GRIP1: variants seen among roughly 807,000 people sequenced by gnomAD.
GRIP1 encodes glutamate receptor-interacting protein 1.
Under a neutral mutation model 129.9 loss-of-function variants are expected in GRIP1, and 45 were observed. The observed-to-expected ratio is 0.35, with a 90% CI of 0.27 to 0.44. The LOEUF (loss-of-function observed/expected upper bound fraction) is 0.44. GRIP1 is among the 20% of genes least tolerant of loss of function. The pLI is 1.00. For missense variants in GRIP1, 1,196 were observed against 1,396.8 expected (o/e 0.86, Z 2.29); for synonymous variants, 530 against 520.8 (o/e 1.02, Z -0.24).
intron 1 of GRIP1, among the ~76,000 whole-genome samples, chr12:66,950,717 T>C (rs762970950): frequency 1.1e-4 from 16 of 152,228 alleles, no homozygotes; most frequent in African/African-American, 3.6e-4. Flanking sequence ...GATCACAAGG[T>C]AAACCAGGTT....
chr12:66,451,318 C>T (rs17245914), intron 11 of GRIP1, among the ~76,000 whole-genome samples: 34,627 of 145,442 alleles, frequency 0.24, 4,474 homozygotes, highest in Middle Eastern at 0.43. Flanking sequence ...GATTTCCTAT[C>T]AGCTATGAGA....
intron 1 of GRIP1, among the ~76,000 whole-genome samples, chr12:67,001,856 T>C (rs1485059016): frequency 1.3e-5 from 2 of 152,142 alleles, no homozygotes; most frequent in African/African-American, 2.4e-5. Context: ...CTCCTTTCTA[T>C]CTGCAGACAT....
chr12:66,525,067 A>C (rs7958360), intron 5 of GRIP1, among the ~76,000 whole-genome samples: 71,885 of 151,856 alleles, frequency 0.47, 17,258 homozygotes, highest in African/African-American at 0.56. Flanking sequence ...AAGTCCAGGA[A>C]CAGATGAATT....
intron 15 of GRIP1, among the ~76,000 whole-genome samples, chr12:66,410,477 CA>C (rs34277777): frequency 0.063 from 8,336 of 132,646 alleles, 465 homozygotes; most frequent in African/African-American, 0.16. Context: ...ACTAAAAATA[CA>C]AAAAAAAAAA....
intron 1 of GRIP1, among the ~76,000 whole-genome samples, chr12:66,661,477 G>C (rs949237673): frequency 8.6e-5 from 1 of 11,596 alleles, no homozygotes; most frequent in African/African-American, 2.7e-4. Context: ...AAAAAAAGGT[G>C]GAGGGGAGAT....
chr12:67,001,963 T>A (rs2042557304), intron 1 of GRIP1, among the ~76,000 whole-genome samples: 2 of 150,552 alleles, frequency 1.3e-5, no homozygotes, highest in African/African-American at 2.4e-5. Context: ...AGAAGAAGAG[T>A]ATGTTCACCC....
rs59488614 is a variant in GRIP1 at position 66,578,754 on chromosome 12, G to A, written c.136+18093C>T. ...TTGCTTAGGTAAACAAAGCAGCCGG[G>A]AAGCTCCAACGGGGTGGAGCCCACC... On this transcript the variant is annotated intron_variant, in intron 2 of 24. Coordinates refer to ENST00000359742, the MANE Select transcript of GRIP1 (RefSeq NM_001366722.1). Among the ~76,000 whole-genome samples the A allele has an allele frequency of 1.1e-3, 164 of 152,332 alleles. 4 individuals carry two copies. In the East Asian group the frequency reaches 0.029, roughly 27 times the overall value.
intron 2 of GRIP1, among the ~76,000 whole-genome samples, chr12:66,551,368 G>T (rs2062122814): frequency 6.6e-6 from 1 of 152,218 alleles, no homozygotes; most frequent in Admixed American, 6.5e-5. Flanking sequence ...TGCTGAGAAA[G>T]TCCTCTATAG....
At chr12:66,517,176 A>T (rs78723012) in intron 6 of GRIP1, among the ~76,000 whole-genome samples, 3,467 of 152,276 alleles carry the variant, frequency 0.023, 124 homozygotes, top group African/African-American at 0.08. Flanking sequence ...CTCTAATGGC[A>T]GCAGTTGTGT....
intron 5 of GRIP1, among the ~76,000 whole-genome samples, chr12:66,521,366 T>G (rs1001656572): frequency 6.6e-6 from 1 of 152,240 alleles, no homozygotes; most frequent in Non-Finnish European, 1.5e-5. Context: ...TTTATCCACA[T>G]CTCTTTTATT....
chr12:66,709,439 T>A (rs2035640712), intron 1 of GRIP1, among the ~76,000 whole-genome samples: 1 of 151,998 alleles, frequency 6.6e-6, no homozygotes, highest in African/African-American at 2.4e-5. Flanking sequence ...AAGTTGTTTT[T>A]CATCCTTTTC....
At chr12:66,993,726 G>T (rs1436528923) in intron 1 of GRIP1, among the ~76,000 whole-genome samples, 1 of 150,546 alleles carries the variant, frequency 6.6e-6, no homozygotes, top group South Asian at 2.1e-4. Context: ...TGGAGGCGGA[G>T]GTTGCAGTGA....
chr12:66,770,198 T>C (rs962660479), intron 1 of GRIP1, among the ~76,000 whole-genome samples: 13 of 152,208 alleles, frequency 8.5e-5, no homozygotes, highest in African/African-American at 3.1e-4. Flanking sequence ...CATTTTTATA[T>C]AGTGGACACA....
chr12:66,799,747 C>T (rs891140532), intron 1 of GRIP1, among the ~76,000 whole-genome samples: 1 of 152,130 alleles, frequency 6.6e-6, no homozygotes, highest in Non-Finnish European at 1.5e-5. Context: ...CCTAATTAGA[C>T]GTCAGTTTCC....
At chr12:66,395,760 A>T (rs2056763092) in intron 16 of GRIP1, among the ~76,000 whole-genome samples, 1 of 152,200 alleles carries the variant, frequency 6.6e-6, no homozygotes, top group African/African-American at 2.4e-5. Context: ...AAAATCTTCA[A>T]CATTGGGCTC....
intron 1 of GRIP1, among the ~76,000 whole-genome samples, chr12:66,921,030 A>G (rs1867137808): frequency 6.6e-6 from 1 of 152,228 alleles, no homozygotes; most frequent in Admixed American, 6.5e-5. Context: ...ACAGGAAATT[A>G]AAGTCACTAC....
At chr12:66,669,200 G>C (rs2033951107) in intron 1 of GRIP1, among the ~76,000 whole-genome samples, 1 of 151,998 alleles carries the variant, frequency 6.6e-6, no homozygotes, top group Admixed American at 6.6e-5. Flanking sequence ...ATCACTTGGG[G>C]TCAGGAGTTT....
intron 1 of GRIP1, among the ~76,000 whole-genome samples, chr12:66,963,771 C>T (rs1461887423): frequency 6.6e-6 from 1 of 152,098 alleles, no homozygotes; most frequent in African/African-American, 2.4e-5. Context: ...AAGATCCAGC[C>T]TAGACAGCCC....
At chr12:66,704,177 T>A (rs1443318379) in intron 1 of GRIP1, among the ~76,000 whole-genome samples, 1 of 152,094 alleles carries the variant, frequency 6.6e-6, no homozygotes, top group Non-Finnish European at 1.5e-5. Flanking sequence ...AAATAAACTT[T>A]AGTTTGATAA....
Sources: gnomAD v4.1 joint callset for allele counts (sites outside exome capture counted in the v4.1 genomes callset) on GRCh38, gnomAD v4.1.1 for gene constraint, MANE v1.5 for transcripts, NCBI Gene and HGNC (gene_info 2026-07-23, HGNC 2026-07-21) for gene names.